The following STK3 variants were observed in gnomAD, a reference collection of about 807,000 sequenced individuals.
STK3 encodes the protein serine/threonine-protein kinase 3.
Under a neutral mutation model 58.0 loss-of-function variants are expected in STK3, and 41 were observed. The observed-to-expected ratio is 0.71, with a 90% CI of 0.55 to 0.92. STK3 has a LOEUF of 0.92. STK3 is among the 40% of genes least tolerant of loss of function. STK3 has a pLI of 0.00. For synonymous variants in STK3, 170 were observed against 191.0 expected (o/e 0.89, Z 0.91); for missense variants, 479 against 602.7 (o/e 0.79, Z 2.15).
the STK3 span, among the ~76,000 whole-genome samples, chr8:98,363,555 G>A: frequency 6.6e-6 from 1 of 152,018 alleles, no homozygotes; most frequent in Non-Finnish European, 1.5e-5. Flanking sequence ...CAATCACTAA[G>A]TACCAGATAT....
At position 98,744,638 on chromosome 8, in the gene STK3, C is replaced by T. The variant is rs184967591; in HGVS notation, c.351+4638G>A. 2.9e-3 allele frequency among the ~76,000 whole-genome samples: 435 copies of T among 150,164 alleles called. 3 individuals are homozygous for T. Among genetic ancestry groups the T allele is most frequent in the Non-Finnish European group, 4.8e-3 (326 of 67,554 alleles). On this transcript the variant is annotated intron_variant, in intron 4 of 10. Coordinates refer to ENST00000419617, the MANE Select transcript of STK3 (RefSeq NM_006281.4). ...AGGAGATATACCTAATGCTAAATGA[C>T]GAGTTAATGGGTACAGCACACCAGC... is the stretch of plus-strand genomic sequence containing the variant.
chr8:98,838,129 G>C (rs1007311818), intron 3 of STK3, among the ~76,000 whole-genome samples: 4 of 149,434 alleles, frequency 2.7e-5, no homozygotes, highest in African/African-American at 9.9e-5. Context: ...TTTAGTACGA[G>C]CTACTCGAGA....
intron 1 of STK3, among the ~76,000 whole-genome samples, chr8:98,789,975 G>C: frequency 6.8e-6 from 1 of 148,108 alleles, no homozygotes; most frequent in African/African-American, 2.5e-5. Context: ...TTGCAATGAG[G>C]CGAAATCGCG....
intron 10 of STK3, among the ~76,000 whole-genome samples, chr8:98,475,150 G>A (rs1821213708): frequency 6.6e-6 from 1 of 152,200 alleles, no homozygotes; most frequent in Admixed American, 6.5e-5. Context: ...TGACTTGAAT[G>A]TCTCAATCAA....
Position 98,825,603 on chromosome 8 carries a change from G to GGGGCACCGGCCGGCCGAGCCTA in STK3, c.-85_-64dup, listed in dbSNP as rs1467663615. The GGGGCACCGGCCGGCCGAGCCTA allele has an allele frequency of 1.5e-6, 2 of 1,374,968 alleles. No individual in the cohort carries two copies. The highest frequency in any genetic ancestry group is 6.5e-5 in the East Asian group (2 of 30,818). The allele number at this position is 1,374,968 out of a possible 1,614,324, so 85.2% of individuals were successfully genotyped here. A position where few individuals can be genotyped will look rare whatever the true frequency, so the allele number is the denominator to read the frequency against. The stretch of plus-strand genomic sequence containing the variant: ...GAAGGCCGAAAGGAGGAAAGGAGCC[G>GGGGCACCGGCCGGCCGAGCCTA]GGGCACCGGCCGGCCGAGCCTAGGG... On this transcript the variant is annotated 5_prime_UTR_variant, in exon 1 of 11. Coordinates refer to ENST00000419617, the MANE Select transcript of STK3 (RefSeq NM_006281.4).
chr8:98,710,013 C>G (rs1826272620), intron 4 of STK3, among the ~76,000 whole-genome samples: 1 of 151,668 alleles, frequency 6.6e-6, no homozygotes, highest in East Asian at 1.9e-4. Flanking sequence ...AGGTTCTAGA[C>G]AGAGCAATTA....
chr8:98,442,182 C>A (rs1229653151), intron 1 of STK3, among the ~76,000 whole-genome samples: 1 of 152,222 alleles, frequency 6.6e-6, no homozygotes, highest in East Asian at 1.9e-4. Flanking sequence ...TCTGCCCTCT[C>A]TTCTCTAACA....
At chr8:98,623,758 T>C (rs1014900318) in intron 6 of STK3, among the ~76,000 whole-genome samples, 6 of 152,116 alleles carry the variant, frequency 3.9e-5, no homozygotes, top group Non-Finnish European at 8.8e-5. Context: ...CATTCCAGAC[T>C]GGGAGACAGA....
chr8:98,568,063 T>TGATGGATAGATA (rs373444890), intron 8 of STK3, among the ~76,000 whole-genome samples: 8 of 146,466 alleles, frequency 5.5e-5, no homozygotes, highest in African/African-American at 2.0e-4. Context: ...CTTAGATAGA[T>TGATGGATAGATA]GATAGATAGA....
At chr8:98,607,346 G>A (rs1816856330) in intron 6 of STK3, among the ~76,000 whole-genome samples, 3 of 151,796 alleles carry the variant, frequency 2.0e-5, no homozygotes, top group Admixed American at 2.0e-4. Context: ...TCTCTCAATT[G>A]ACATTTGCAC....
chr8:98,701,601 A>G (rs969814083), intron 6 of STK3, among the ~76,000 whole-genome samples: 3 of 150,738 alleles, frequency 2.0e-5, no homozygotes, highest in African/African-American at 7.4e-5. Flanking sequence ...CAGCCCAGAC[A>G]ACAGAGCGAG....
the STK3 span, among the ~76,000 whole-genome samples, chr8:98,348,472 T>A: frequency 6.6e-6 from 1 of 152,120 alleles, no homozygotes; most frequent in African/African-American, 2.4e-5. Flanking sequence ...GTCAAGAGAA[T>A]GAGAAGACAA....
At chr8:98,450,543 G>T (rs1341464581), downstream of STK3, among the ~76,000 whole-genome samples, 1 of 152,124 alleles carries the variant, frequency 6.6e-6, no homozygotes, top group Non-Finnish European at 1.5e-5. Flanking sequence ...CTGATGCCAG[G>T]CTCCTTCCGC....
intron 1 of STK3, among the ~76,000 whole-genome samples, chr8:98,914,973 A>G (rs922273724): frequency 6.6e-6 from 1 of 152,190 alleles, no homozygotes; most frequent in African/African-American, 2.4e-5. Flanking sequence ...TTACTGTGCA[A>G]CTTTGGGCAA....
chr8:98,370,048 G>A (rs1161439057), downstream of STK3, among the ~76,000 whole-genome samples: 2 of 151,648 alleles, frequency 1.3e-5, no homozygotes, highest in Non-Finnish European at 2.9e-5. Context: ...GGGGTGGGAT[G>A]GATGGGGCCT....
At chr8:98,634,962 T>G (rs1819518083) in intron 6 of STK3, among the ~76,000 whole-genome samples, 1 of 152,060 alleles carries the variant, frequency 6.6e-6, no homozygotes, top group South Asian at 2.1e-4. Context: ...ATTTTCACTG[T>G]TTTTTCATTC....
intron 10 of STK3, among the ~76,000 whole-genome samples, chr8:98,506,915 T>G (rs1824132063): frequency 6.6e-6 from 1 of 152,164 alleles, no homozygotes; most frequent in African/African-American, 2.4e-5. Context: ...TTAGCCCCGT[T>G]AAGATTTAGT....
chr8:98,720,257 C>A (rs1827299986), intron 4 of STK3, among the ~76,000 whole-genome samples: 1 of 152,046 alleles, frequency 6.6e-6, no homozygotes, highest in Non-Finnish European at 1.5e-5. Flanking sequence ...TATGTGATTT[C>A]TCTACTTAAG....
chr8:98,571,030 C>T (rs1179806184), intron 8 of STK3, among the ~76,000 whole-genome samples: 1 of 152,160 alleles, frequency 6.6e-6, no homozygotes, highest in Non-Finnish European at 1.5e-5. Context: ...TCAAAAGGTT[C>T]TCAAAAGGTA....
Sources: gnomAD v4.1 joint callset for allele counts (sites outside exome capture counted in the v4.1 genomes callset) on GRCh38, gnomAD v4.1.1 for gene constraint, MANE v1.5 for transcripts, NCBI Gene and HGNC (gene_info 2026-07-23, HGNC 2026-07-21) for gene names.